Variants in SCARB1 observed in about 807,000 individuals in gnomAD.
SCARB1 encodes scavenger receptor class B member 1, also known as CD36 and LIMPII analogous 1.
SCARB1 carries 30 observed loss-of-function variants against 57.2 expected under a neutral mutation model. The ratio of observed to expected loss-of-function variants is 0.52; its 90% confidence interval spans 0.39 to 0.71. The LOEUF is 0.71. Among genes scored for constraint, SCARB1 ranks in the 30% least tolerant of loss-of-function variants. SCARB1 has a pLI of 0.00. For synonymous variants in SCARB1, 249 were observed against 268.3 expected, an observed-to-expected ratio of 0.93 and a Z score of 0.70; for missense variants, 543 against 671.2, an observed-to-expected ratio of 0.81 and a Z score of 2.11.
At chr12:124,853,314 T>C (rs1293699807) in intron 1 of SCARB1, among the ~76,000 whole-genome samples, 2 of 151,362 alleles carry the variant, frequency 1.3e-5, no homozygotes, top group Non-Finnish European at 2.9e-5. Context: ...CCCACGAAAA[T>C]GAGGCTCACA....
At chr12:124,813,229 G>C (rs145775863) in intron 4 of SCARB1, among the ~76,000 whole-genome samples, 169 of 152,290 alleles carry the variant, frequency 1.1e-3, no homozygotes, top group African/African-American at 3.9e-3. Context: ...CTAAGAGGGA[G>C]GAAACTGGAA....
chr12:124,843,499 C>A (rs1952000312), intron 1 of SCARB1, among the ~76,000 whole-genome samples: 1 of 152,068 alleles, frequency 6.6e-6, no homozygotes, highest in African/African-American at 2.4e-5. Flanking sequence ...TCCACAGGAC[C>A]CAAGTAATGG....
At chr12:124,813,889 G>A (rs1243426781) in intron 4 of SCARB1, among the ~76,000 whole-genome samples, 1 of 152,174 alleles carries the variant, frequency 6.6e-6, no homozygotes, top group Non-Finnish European at 1.5e-5. Flanking sequence ...GAGTCAGCTT[G>A]TGATATTACT....
intron 1 of SCARB1, among the ~76,000 whole-genome samples, chr12:124,827,692 C>T (rs1368939583): frequency 6.6e-6 from 1 of 152,162 alleles, no homozygotes; most frequent in Non-Finnish European, 1.5e-5. Flanking sequence ...GGCCTTTGCA[C>T]CCACTGCTTC....
In SCARB1 at chr12:124,821,433, C is replaced by T. The variant is rs76606449; in HGVS notation, c.127-3726G>A. 19,186 of 985,126 alleles carry T rather than the reference C, an allele frequency of 0.019. 1,925 individuals carry two copies. The African/African-American group carries it at 0.25, about 13-fold the overall frequency. The allele number at this position is 985,126 out of a possible 1,614,324, so 61.0% of individuals were successfully genotyped here. A position where few individuals can be genotyped will look rare whatever the true frequency, so the allele number is the denominator to read the frequency against. ...GCCTGGTTCTGAAGATGAATCAGGG[C>T]TAAACCAAGAAGTCATGGGATCCGG... On this transcript the variant is annotated intron_variant, in intron 1 of 12. Transcript: ENST00000261693.
intron 1 of SCARB1, among the ~76,000 whole-genome samples, chr12:124,854,819 C>T (rs993417547): frequency 1.3e-5 from 2 of 152,042 alleles, no homozygotes; most frequent in African/African-American, 2.4e-5. Context: ...CCAGCCGGGG[C>T]GAGCGTGAGC....
intron 1 of SCARB1, among the ~76,000 whole-genome samples, chr12:124,831,227 C>T: frequency 6.6e-6 from 1 of 152,158 alleles, no homozygotes; most frequent in East Asian, 1.9e-4. Context: ...GATCTGCCTG[C>T]CTCGGCCTCC....
intron 1 of SCARB1, among the ~76,000 whole-genome samples, chr12:124,845,270 C>T (rs937174238): frequency 1.3e-5 from 2 of 152,204 alleles, no homozygotes; most frequent in South Asian, 2.1e-4. Context: ...GCACCCGCAC[C>T]GTGGAGGCCT....
chr12:124,799,727 C>T (rs1040828531), intron 8 of SCARB1, among the ~76,000 whole-genome samples: 2 of 152,030 alleles, frequency 1.3e-5, no homozygotes. Context: ...CAGCTCCCTG[C>T]TTGTAGACAG....
At chr12:124,808,106 C>T (rs1220119453) in intron 6 of SCARB1, among the ~76,000 whole-genome samples, 179 bp from the exon 7 acceptor site, 1 of 152,164 alleles carries the variant, frequency 6.6e-6, no homozygotes, top group Non-Finnish European at 1.5e-5. Flanking sequence ...CCTCTCCGCT[C>T]CGACTCTGCC....
At chr12:124,787,534 A>C (rs1949568107) in intron 9 of SCARB1, 77 bp from the exon 10 acceptor site, 1 of 1,287,678 alleles carries the variant, frequency 7.8e-7, no homozygotes, top group Non-Finnish European at 1.1e-6. Context: ...TGAATACAAC[A>C]TCTAAACAGG....
chr12:124,850,610 C>T (rs536011961), intron 1 of SCARB1, among the ~76,000 whole-genome samples: 12 of 152,030 alleles, frequency 7.9e-5, no homozygotes, highest in Admixed American at 5.9e-4. Context: ...GCAAAGGTTG[C>T]GGTGAGCCGA....
intron 1 of SCARB1, among the ~76,000 whole-genome samples, chr12:124,847,175 G>A (rs888552772): frequency 6.6e-6 from 1 of 152,224 alleles, no homozygotes; most frequent in African/African-American, 2.4e-5. Flanking sequence ...ACAAAAAACA[G>A]AAATCCAAGA....
intron 1 of SCARB1, among the ~76,000 whole-genome samples, chr12:124,853,390 GTTTTT>G (rs757246980): frequency 3.3e-5 from 4 of 122,550 alleles, no homozygotes; most frequent in Non-Finnish European, 5.1e-5. Flanking sequence ...GCATAGTTTT[GTTTTT>G]TTTTTTTTTT....
At position 124,807,837 on chromosome 12, in the gene SCARB1, C is replaced by T. The variant is rs140581411; in HGVS notation, c.933G>A (p.Gly311=). 504 of 1,614,162 alleles carry T rather than the reference C, an allele frequency of 3.1e-4. 3 individuals carry two copies. The African/African-American group carries it at 5.4e-3, about 17-fold the overall frequency. ...FVAPKTLFAN[G]SIYPPNEGFC... ...AGCCTTCGTTGGGTGGGTAGATGGA[C>T]CCGTTGGCAAACAGGGTTTTGGGAG... is the stretch of plus-strand genomic sequence containing the variant. Residue 311 remains glycine, a synonymous_variant, in exon 7 of 13, where the codon GGG becomes GGA. Transcript: ENST00000261693. This position sits in a 1 kb window ranked among gnomAD's most constrained non-coding sequence, Gnocchi z 5.3.
rs374502705 is a variant in SCARB1, at chr12:124,837,604, C to T, written c.127-19897G>A. Among the ~76,000 whole-genome samples, 1,413 of 146,154 alleles carry T rather than the reference C, an allele frequency of 9.7e-3. 67 individuals carry two copies. The highest frequency in any genetic ancestry group is 0.034 in the African/African-American group (1,338 of 38,980). On this transcript the variant is annotated intron_variant, in intron 1 of 12. Coordinates refer to ENST00000261693, the MANE Select transcript of SCARB1 (RefSeq NM_005505.5). ...AAAAGAAAAGAAAAGAAAAGTCAGC[C>T]AGCTGGGTGCAGTGCTGCACGCCTG...
intron 12 of SCARB1, 35 bp from the exon 13 acceptor site, chr12:124,778,621 G>T (rs756075795): frequency 3.5e-5 from 49 of 1,408,966 alleles, no homozygotes; most frequent in Middle Eastern, 2.5e-4. Context: ...GACCACCCAC[G>T]CCCTGTCACC....
intron 11 of SCARB1, chr12:124,785,146 G>C (rs838895): frequency 0.63 from 96,640 of 152,338 alleles, 31,126 homozygotes; most frequent in South Asian, 0.74. Flanking sequence ...ACTTCCTCAC[G>C]CACTGGGGCC....
chr12:124,799,844 C>T (rs189137102), intron 8 of SCARB1, among the ~76,000 whole-genome samples: 6 of 152,210 alleles, frequency 3.9e-5, no homozygotes, highest in Admixed American at 3.9e-4. Context: ...AGAGGGCTGC[C>T]TCCAGCTCAC....
Sources: gnomAD v4.1 joint callset for allele counts (sites outside exome capture counted in the v4.1 genomes callset) on GRCh38, gnomAD v4.1.1 for gene constraint, Gnocchi (gnomAD v3.1) non-coding constraint, MANE v1.5 for transcripts, NCBI Gene and HGNC (gene_info 2026-07-23, HGNC 2026-07-21) for gene names.